The following MRPL37 variants were observed in gnomAD, a reference collection of about 807,000 sequenced individuals.
MRPL37 encodes mitochondrial ribosomal protein L37.
In MRPL37, 34 loss-of-function variants were observed where a neutral mutation model predicts 44.1. That is an observed-to-expected ratio of 0.77 (90% CI 0.59 to 1.03). MRPL37 has a LOEUF of 1.03. Ranked by LOEUF, MRPL37 falls within the 50% of genes least tolerant of loss-of-function variation. The pLI, the probability that MRPL37 is intolerant of heterozygous loss-of-function variation, is 0.00. For missense variants in MRPL37, 532 were observed against 543.7 expected (o/e 0.98, Z 0.21); for synonymous variants, 212 against 219.5 (o/e 0.97, Z 0.30).
At chr1:54,221,248 A>AAT (rs1644231545), downstream of MRPL37, among the ~76,000 whole-genome samples, 1 of 142,738 alleles carries the variant, frequency 7.0e-6, no homozygotes, top group Non-Finnish European at 1.5e-5. Flanking sequence ...ACCTGGGGCA[A>AAT]GTGTTTGGCA....
chr1:54,204,041 C>A (rs1279625912), intron 1 of MRPL37, among the ~76,000 whole-genome samples: 1 of 152,114 alleles, frequency 6.6e-6, no homozygotes, highest in Non-Finnish European at 1.5e-5. Flanking sequence ...GTTTGTTGAC[C>A]TCTGGTATAC....
downstream of MRPL37, among the ~76,000 whole-genome samples, chr1:54,221,967 G>C (rs1369507109): frequency 6.6e-6 from 1 of 152,188 alleles, no homozygotes; most frequent in African/African-American, 2.4e-5. Context: ...GTCTCCTTTG[G>C]ATTGGCAGTA....
intron 1 of MRPL37, 135 bp from the exon 2 acceptor site, chr1:54,204,883 C>G: frequency 9.9e-7 from 1 of 1,005,254 alleles, no homozygotes; most frequent in Admixed American, 2.8e-5. Context: ...GGTTCTATCC[C>G]CTCAGGTGTC....
downstream of MRPL37, among the ~76,000 whole-genome samples, chr1:54,219,295 T>C (rs1644218560): frequency 6.6e-6 from 1 of 152,224 alleles, no homozygotes; most frequent in Non-Finnish European, 1.5e-5. Flanking sequence ...CTGAGAGCAG[T>C]TAGTGTGGGA....
chr1:54,206,358 T>C (rs1417498726), intron 3 of MRPL37, among the ~76,000 whole-genome samples: 1 of 151,968 alleles, frequency 6.6e-6, no homozygotes, highest in Non-Finnish European at 1.5e-5. Flanking sequence ...CTGATCCGCC[T>C]GCCTCGGCCT....
chr1:54,219,074 A>C (rs1216804114), downstream of MRPL37, among the ~76,000 whole-genome samples: 6 of 152,224 alleles, frequency 3.9e-5, no homozygotes, highest in Non-Finnish European at 8.8e-5. Flanking sequence ...CGAAGGCAGC[A>C]GCAGGTGGGG....
intron 5 of MRPL37, among the ~76,000 whole-genome samples, chr1:54,212,886 T>C (rs1644174623): frequency 6.6e-6 from 1 of 152,210 alleles, no homozygotes; most frequent in South Asian, 2.1e-4. Flanking sequence ...CCACATGTTT[T>C]TACTGAAGTC....
At chr1:54,222,408 G>T (rs1199077521), downstream of MRPL37, among the ~76,000 whole-genome samples, 1 of 152,154 alleles carries the variant, frequency 6.6e-6, no homozygotes, top group Non-Finnish European at 1.5e-5. Context: ...AAGTGCTGAG[G>T]GGCAAGGAAA....
In MRPL37 at chr1:54,218,099, TCAATC is replaced by T. The variant is rs1263402845; in HGVS notation, c.1195-67_1195-63del. ...ACTGTCCAGGCACTGAAGATTTACT[TCAATC>T]CAATCTTTGTTTTAATTGCTGCCGT... On this transcript the variant is annotated intron_variant, in intron 6 of 6. Transcript: ENST00000360840. The T allele has an allele frequency of 4.4e-6, 6 of 1,357,124 alleles. No individual in the cohort carries two copies. In the African/African-American group the frequency reaches 8.7e-5, roughly 20 times the overall value. 84.1% of individuals were successfully genotyped at this position (1,357,124 alleles called of 1,614,324 possible).
intron 5 of MRPL37, among the ~76,000 whole-genome samples, chr1:54,215,056 C>T (rs1164617627): frequency 6.6e-6 from 1 of 152,174 alleles, no homozygotes; most frequent in African/African-American, 2.4e-5. Context: ...TTCATGGGGC[C>T]TGCCTGTTGG....
chr1:54,222,462 A>C (rs1644243036), downstream of MRPL37, among the ~76,000 whole-genome samples: 1 of 152,072 alleles, frequency 6.6e-6, no homozygotes, highest in Non-Finnish European at 1.5e-5. Flanking sequence ...AGCTATCTGG[A>C]AGCTGTGAGG....
At chr1:54,222,783 T>C (rs1644244755), downstream of MRPL37, among the ~76,000 whole-genome samples, 1 of 152,170 alleles carries the variant, frequency 6.6e-6, no homozygotes, top group Admixed American at 6.5e-5. Context: ...TTGATGTCTT[T>C]ACTGGATATC....
At chr1:54,222,681 T>C (rs1250032518), downstream of MRPL37, among the ~76,000 whole-genome samples, 1 of 152,130 alleles carries the variant, frequency 6.6e-6, no homozygotes, top group Non-Finnish European at 1.5e-5. Context: ...TCTCCATTCA[T>C]TCCCTAGATG....
At chr1:54,216,866 T>G (rs1233225414) in intron 6 of MRPL37, among the ~76,000 whole-genome samples, 1 of 152,124 alleles carries the variant, frequency 6.6e-6, no homozygotes, top group Non-Finnish European at 1.5e-5. Flanking sequence ...CACATGTTTT[T>G]TTTCCTCCAC....
chr1:54,205,566 C>T lies in MRPL37; in HGVS notation c.646+156C>T, dbSNP rs113936761. On this transcript the variant is annotated intron_variant, in intron 3 of 6. Coordinates refer to ENST00000360840, the MANE Select transcript of MRPL37 (RefSeq NM_016491.4). Reference sequence around the variant, plus strand: ...GTAGGCTCAGACACACCCTCAGTATCATTAGCCATAGCCCAACCATTTTTG... The same window carrying T: ...GTAGGCTCAGACACACCCTCAGTATTATTAGCCATAGCCCAACCATTTTTG... Among the ~76,000 whole-genome samples the T allele has an allele frequency of 4.8e-4, 73 of 152,306 alleles. 1 individual carries two copies. The highest frequency in any genetic ancestry group is 1.7e-3 in the African/African-American group (69 of 41,544).
At position 54,200,396 on chromosome 1, in the gene MRPL37, G is replaced by A. The variant is rs772749366; in HGVS notation, c.153G>A (p.Glu51=). Residue 51 remains glutamate, a synonymous_variant, in exon 1 of 7, where the codon GAG becomes GAA. Coordinates refer to ENST00000360840, the MANE Select transcript of MRPL37 (RefSeq NM_016491.4). The part of the protein sequence containing the change: ...SEPPPLDRVY[E]IPGLEPITFA... ...CTCCTCCCCTGGATAGGGTGTACGA[G>A]ATCCCTGGACTGGAGCCCATCACCT... 1.9e-6 allele frequency: 3 copies of A among 1,614,238 alleles called. No individual in the cohort carries two copies. The Admixed American group carries it at 5.0e-5, about 27-fold the overall frequency.
At chr1:54,217,960 G>A (rs1015589867) in intron 6 of MRPL37, among the ~76,000 whole-genome samples, 1 of 152,176 alleles carries the variant, frequency 6.6e-6, no homozygotes, top group Non-Finnish European at 1.5e-5. Context: ...GCAGAGCAGC[G>A]TCAACAGTTG....
chr1:54,218,740 A>G (rs1425740163), downstream of MRPL37, among the ~76,000 whole-genome samples: 1 of 152,232 alleles, frequency 6.6e-6, no homozygotes, highest in Admixed American at 6.5e-5. Flanking sequence ...TTAATGGGGC[A>G]AGTACACCCC....
rs145050007 is a variant in MRPL37, at chr1:54,208,974, A to G, written c.647-972A>G. ...CTCCGCCAAAGAGTTATCTGATCCA[A>G]ATGTGAATAGTGCTGCAGTTGAGAA... On this transcript the variant is annotated intron_variant, in intron 3 of 6. Transcript: ENST00000360840. Among the ~76,000 whole-genome samples the G allele has an allele frequency of 4.4e-3, 670 of 152,252 alleles. 4 individuals are homozygous for G. Among genetic ancestry groups the G allele is most frequent in the Middle Eastern group, 0.034 (10 of 294 alleles).
Sources: allele counts gnomAD v4.1 joint callset (sites outside exome capture counted in the v4.1 genomes callset), GRCh38; gene constraint gnomAD v4.1.1; transcripts MANE v1.5; gene names NCBI Gene and HGNC (gene_info 2026-07-23, HGNC 2026-07-21).